SEL1L3: variants seen among roughly 807,000 people sequenced by gnomAD.
SEL1L3 encodes SEL1L family member 3.
SEL1L3 carries 76 observed loss-of-function variants against 142.8 expected under a neutral mutation model. The ratio of observed to expected loss-of-function variants is 0.53; its 90% CI spans 0.44 to 0.64. The LOEUF is 0.64. Among genes scored for constraint, SEL1L3 ranks in the 30% least tolerant of loss-of-function variants. The pLI is 0.00. For missense variants in SEL1L3, 1,262 were observed against 1,381.7 expected, an observed-to-expected ratio of 0.91 and a Z score of 1.37; for synonymous variants, 504 against 519.6, an observed-to-expected ratio of 0.97 and a Z score of 0.41.
At position 25,862,679 on chromosome 4, in the gene SEL1L3, T is replaced by G. The variant is rs1717810066; in HGVS notation, c.158A>C (p.Tyr53Ser). The change falls in exon 1 of 24, where the codon TAC (tyrosine) becomes TCC (serine). Residue 53 changes from tyrosine (Y) to serine (S), a missense_variant. Tyr to Ser is a moderately radical substitution (Grantham distance 144, BLOSUM62 -2). Transcript: ENST00000399878. ...CGGGCAGGGTCCGGCGCTCACCAGGTAGCAGAGCAGGAGCAGCGCGCAGGC... is the reference window on the plus strand; with the variant it reads ...CGGGCAGGGTCCGGCGCTCACCAGGGAGCAGAGCAGGAGCAGCGCGCAGGC... ...RSACALLLLC[Y>S]LNVVPSLGRQ... 2.3e-6 allele frequency: 3 copies of G among 1,292,060 alleles called. No individual in the cohort carries two copies. Among genetic ancestry groups the G allele is most frequent in the Admixed American group, 3.5e-5 (1 of 28,770 alleles). The allele number at this position is 1,292,060 out of a possible 1,614,324, so 80.0% of individuals were successfully genotyped here.
intron 5 of SEL1L3, among the ~76,000 whole-genome samples, chr4:25,831,375 C>G (rs1480796536): frequency 6.6e-6 from 1 of 151,898 alleles, no homozygotes; most frequent in Non-Finnish European, 1.5e-5. Flanking sequence ...CGTTCTCCAT[C>G]TAAATCCTGT....
At chr4:25,819,691 T>C in intron 8 of SEL1L3, 117 bp downstream of exon 8, 1 of 901,092 alleles carries the variant, frequency 1.1e-6, no homozygotes, top group Non-Finnish European at 1.6e-6. Context: ...ACTTGTCCCA[T>C]CTGGTATCTG....
chr4:25,752,804 A>G (rs62410853), intron 23 of SEL1L3, among the ~76,000 whole-genome samples: 7,999 of 152,308 alleles, frequency 0.053, 315 homozygotes, highest in Non-Finnish European at 0.083. Context: ...TATTTTTAGT[A>G]GAGATGGGGT....
chr4:25,788,425 T>C lies in SEL1L3; in HGVS notation c.2077-61A>G, dbSNP rs1426771888. 6 of 1,566,232 alleles carry C rather than the reference T, an allele frequency of 3.8e-6. No individual in the cohort carries two copies. The highest frequency in any genetic ancestry group is 5.2e-6 in the Non-Finnish European group (6 of 1,147,110). On this transcript the variant is annotated intron_variant, in intron 12 of 23. Coordinates refer to ENST00000399878, the MANE Select transcript of SEL1L3 (RefSeq NM_015187.5). This position sits in a 1 kb window ranked among gnomAD's most constrained non-coding sequence, Gnocchi z 5.3. ...CCTGTATAATGCTTAACACAAGATT[T>C]TGAAAGGTGGGAGAGCAAACCTACT...
chr4:25,789,890 T>C (rs895779575), intron 12 of SEL1L3, among the ~76,000 whole-genome samples: 1 of 152,180 alleles, frequency 6.6e-6, no homozygotes, highest in Non-Finnish European at 1.5e-5. Flanking sequence ...TCGTACCTCT[T>C]AAAAGTCCAT....
At chr4:25,850,011 G>A (rs1292469792) in intron 1 of SEL1L3, among the ~76,000 whole-genome samples, 2 of 152,152 alleles carry the variant, frequency 1.3e-5, no homozygotes, top group African/African-American at 2.4e-5. Context: ...AGTTCTTCAC[G>A]TAGAGACACA....
chr4:25,818,359 A>G (rs1577652791), intron 8 of SEL1L3, 81 bp from the exon 9 acceptor site: 2 of 1,231,602 alleles, frequency 1.6e-6, no homozygotes, highest in Non-Finnish European at 2.2e-6. Flanking sequence ...TCTTCCTAAC[A>G]GGAACTAGAA....
At chr4:25,789,993 G>A (rs1189968117) in intron 12 of SEL1L3, among the ~76,000 whole-genome samples, 1 of 152,196 alleles carries the variant, frequency 6.6e-6, no homozygotes, top group Non-Finnish European at 1.5e-5. Context: ...TGAGTTCATG[G>A]TCTTCTGGAC....
chr4:25,744,441 C>A (rs752084500), downstream of SEL1L3, among the ~76,000 whole-genome samples: 27 of 146,300 alleles, frequency 1.8e-4, no homozygotes, highest in Non-Finnish European at 1.2e-4. Flanking sequence ...GCAACCTCCA[C>A]CTCCCAGGTT....
chr4:25,732,269 G>T, the SEL1L3 span, among the ~76,000 whole-genome samples: 1 of 152,148 alleles, frequency 6.6e-6, no homozygotes, highest in Non-Finnish European at 1.5e-5. Context: ...TTGAATTTCG[G>T]ATAAATAAGA....
At position 25,829,887 on chromosome 4, in the gene SEL1L3, C is replaced by G. The variant is rs375504654; in HGVS notation, c.1157+211G>C. ...CTGGAGAGAGGACTAGTTTTTCTTG[C>G]TCAGAAAAAAAGGTTGTGGGGGAAG... On this transcript the variant is annotated intron_variant, in intron 6 of 23. Coordinates refer to ENST00000399878, the MANE Select transcript of SEL1L3 (RefSeq NM_015187.5). 9.9e-5 allele frequency among the ~76,000 whole-genome samples: 15 copies of G among 151,884 alleles called. No individual in the cohort carries two copies. The East Asian group carries it at 1.5e-3, about 16-fold the overall frequency.
At chr4:25,803,181 A>T (rs552441635) in intron 10 of SEL1L3, among the ~76,000 whole-genome samples, 1 of 152,292 alleles carries the variant, frequency 6.6e-6, no homozygotes, top group Admixed American at 6.5e-5. Context: ...GACTGGTCTG[A>T]CCACCTCATC....
chr4:25,724,701 C>G, the SEL1L3 span, among the ~76,000 whole-genome samples: 1 of 118,704 alleles, frequency 8.4e-6, no homozygotes. Context: ...GGCGCCACTG[C>G]ACTCCAGCCT....
chr4:25,768,250 A>G (rs1207088612), intron 17 of SEL1L3, among the ~76,000 whole-genome samples: 1 of 152,240 alleles, frequency 6.6e-6, no homozygotes, highest in African/African-American at 2.4e-5. Context: ...AAGCTTAATT[A>G]AAGCTGAGCT....
chr4:25,763,185 G>GAAAA (rs34349674), intron 20 of SEL1L3, among the ~76,000 whole-genome samples: 1 of 145,096 alleles, frequency 6.9e-6, no homozygotes. Flanking sequence ...AATAAAAATT[G>GAAAA]AAAAAAAAAA....
chr4:25,794,400 A>C lies in SEL1L3; in HGVS notation c.1957-3826T>G, dbSNP rs1475954127. On this transcript the variant is annotated intron_variant, in intron 11 of 23. Coordinates refer to ENST00000399878, the MANE Select transcript of SEL1L3 (RefSeq NM_015187.5). ...AGACACTTCTCAAAAGAAGACATTTATGCAGGCAACAAATGTAGGGGAAAA... is the reference window on the plus strand; with the variant it reads ...AGACACTTCTCAAAAGAAGACATTTCTGCAGGCAACAAATGTAGGGGAAAA... 2.0e-5 allele frequency among the ~76,000 whole-genome samples: 3 copies of C among 152,394 alleles called. No homozygotes were observed. The East Asian group carries it at 5.8e-4, about 29-fold the overall frequency.
At chr4:25,779,635 A>T (rs1368682078) in intron 15 of SEL1L3, among the ~76,000 whole-genome samples, 1 of 152,246 alleles carries the variant, frequency 6.6e-6, no homozygotes, top group Non-Finnish European at 1.5e-5. Flanking sequence ...ATGTGACAAT[A>T]AGAAATCTTC....
chr4:25,738,552 T>C, the SEL1L3 span, among the ~76,000 whole-genome samples: 10 of 152,206 alleles, frequency 6.6e-5, no homozygotes, highest in East Asian at 5.8e-4. Flanking sequence ...AAAGATTATA[T>C]TGTGCACTAA....
chr4:25,755,514 C>T (rs1222012763), intron 23 of SEL1L3, among the ~76,000 whole-genome samples: 1 of 152,042 alleles, frequency 6.6e-6, no homozygotes, highest in African/African-American at 2.4e-5. Flanking sequence ...TGATCCTATC[C>T]AGACATAGCC....
Sources: allele counts gnomAD v4.1 joint callset (sites outside exome capture counted in the v4.1 genomes callset), GRCh38; gene constraint gnomAD v4.1.1; non-coding constraint Gnocchi (gnomAD v3.1); transcripts MANE v1.5; gene names NCBI Gene and HGNC (gene_info 2026-07-23, HGNC 2026-07-21).